The following ARID4B variants were observed in gnomAD, a reference collection of about 807,000 sequenced individuals.
ARID4B encodes AT-rich interaction domain 4B, also known as AT-rich interactive domain-containing protein 4B.
A neutral mutation model predicts 147.5 loss-of-function variants in ARID4B; 26 were observed. The observed-to-expected ratio is 0.18, with a 90% confidence interval of 0.13 to 0.24. The LOEUF (loss-of-function observed/expected upper bound fraction) is 0.24. ARID4B is among the 10% of genes least tolerant of loss of function. The probability of loss-of-function intolerance (pLI) is 1.00; values close to 1 mark genes in which losing one functional copy is unlikely to be tolerated. For missense variants in ARID4B, 1,179 were observed against 1,511.5 expected (o/e 0.78, Z 3.65); for synonymous variants, 512 against 507.9 (o/e 1.01, Z -0.11).
chr1:235,266,072 T>C (rs1335749878), intron 2 of ARID4B, among the ~76,000 whole-genome samples: 1 of 152,180 alleles, frequency 6.6e-6, no homozygotes. Context: ...AAATATTTTC[T>C]CCCTTATTCA....
At chr1:235,228,689 A>G (rs948047447) in intron 11 of ARID4B, 9 of 138,932 alleles carry the variant, frequency 6.5e-5, no homozygotes, top group Non-Finnish European at 1.4e-4. Flanking sequence ...TCTGTCGCCC[A>G]GGCTGGAGTG....
At chr1:235,263,824 A>G (rs1156229189) in intron 2 of ARID4B, among the ~76,000 whole-genome samples, 1 of 132,696 alleles carries the variant, frequency 7.5e-6, no homozygotes, top group Admixed American at 7.3e-5. Context: ...CGTCTCTACT[A>G]AAAAAAAAAA....
intron 8 of ARID4B, 81 bp from the exon 9 acceptor site, chr1:235,234,573 A>T: frequency 3.0e-6 from 3 of 1,010,450 alleles, no homozygotes; most frequent in Non-Finnish European, 4.4e-6. Context: ...TCCTTTTAAA[A>T]AGTGTAAGCT....
chr1:235,227,967 G>C (rs375947753), intron 11 of ARID4B, among the ~76,000 whole-genome samples: 28 of 151,552 alleles, frequency 1.8e-4, no homozygotes, highest in African/African-American at 5.1e-4. Flanking sequence ...CGAGTAGCTG[G>C]GATTACAGGT....
At chr1:235,181,207 G>T (rs1161074825) in intron 20 of ARID4B, 2 of 881,746 alleles carry the variant, frequency 2.3e-6, no homozygotes, top group African/African-American at 1.8e-5. Flanking sequence ...CAAAATGTTC[G>T]TGAGAAACTG....
At chr1:235,175,598 A>G in intron 21 of ARID4B, 199 bp from the exon 22 acceptor site, 2 of 558,292 alleles carry the variant, frequency 3.6e-6, no homozygotes, top group South Asian at 2.1e-5. Context: ...TGAACTGCCA[A>G]TAATATGTAT....
At chr1:235,219,701 T>C (rs1667315081) in intron 16 of ARID4B, 92 bp downstream of exon 16, 2 of 1,028,634 alleles carry the variant, frequency 1.9e-6, no homozygotes, top group Admixed American at 2.7e-5. Context: ...ATTTTGTCAA[T>C]TAATTTAGAT....
intron 6 of ARID4B, among the ~76,000 whole-genome samples, chr1:235,252,406 C>A (rs1195218859): frequency 6.6e-6 from 1 of 152,088 alleles, no homozygotes; most frequent in Non-Finnish European, 1.5e-5. Flanking sequence ...CGACAAGGAT[C>A]AAGTAGATTA....
chr1:235,233,424 C>A (rs747332301), intron 9 of ARID4B, among the ~76,000 whole-genome samples: 6 of 151,696 alleles, frequency 4.0e-5, no homozygotes, highest in Non-Finnish European at 8.8e-5. Flanking sequence ...AAGAGTGAGA[C>A]CCTCACCAAA....
At chr1:235,235,539 G>A (rs1189015376) in intron 8 of ARID4B, among the ~76,000 whole-genome samples, 4 of 152,290 alleles carry the variant, frequency 2.6e-5, no homozygotes, top group Non-Finnish European at 5.9e-5. Flanking sequence ...GCCACAGAAC[G>A]ACAATATGCA....
Position 235,220,054 on chromosome 1 carries a change from T to A in ARID4B, c.1408-86A>T, listed in dbSNP as rs1336254359. 6.7e-6 allele frequency: 6 copies of A among 897,554 alleles called. No homozygotes were observed. In the East Asian group the frequency reaches 1.8e-4, roughly 27 times the overall value. 55.6% of individuals were successfully genotyped at this position (897,554 alleles called of 1,614,324 possible). On this transcript the variant is annotated intron_variant, in intron 15 of 23. Coordinates refer to ENST00000264183, the MANE Select transcript of ARID4B (RefSeq NM_016374.6). Reference sequence around the variant, plus strand: ...GTTTATCTCTTAGCAACAGGAGGTATCAACCAATTCTAATATTAAAAGTTA... The same window carrying A: ...GTTTATCTCTTAGCAACAGGAGGTAACAACCAATTCTAATATTAAAAGTTA...
chr1:235,255,281 C>A (rs1395667404), intron 5 of ARID4B, among the ~76,000 whole-genome samples: 71 of 145,116 alleles, frequency 4.9e-4, no homozygotes, highest in African/African-American at 1.3e-3. Context: ...CTCTCTCTCT[C>A]TCTCTCTATA....
intron 17 of ARID4B, among the ~76,000 whole-genome samples, chr1:235,201,174 T>A (rs1665890188): frequency 6.6e-6 from 1 of 151,622 alleles, no homozygotes; most frequent in Admixed American, 6.6e-5. Flanking sequence ...AAAAATAAAG[T>A]AAAACAAAAT....
chr1:235,300,997 G>A lies in ARID4B; in HGVS notation c.6+25917C>T, dbSNP rs1362770338. Among the ~76,000 whole-genome samples the A allele has an allele frequency of 2.7e-5, 4 of 150,318 alleles. No individual in the cohort carries two copies. The East Asian group carries it at 7.9e-4, about 30-fold the overall frequency. On this transcript the variant is annotated intron_variant, in intron 2 of 23. Coordinates refer to ENST00000264183, the MANE Select transcript of ARID4B (RefSeq NM_016374.6). ...CCCAGAGTGCTGGGATTATAGGCGT[G>A]AGCCACTACGCCCAGCCAACAATAC...
chr1:235,205,283 T>A (rs892941478), intron 17 of ARID4B, among the ~76,000 whole-genome samples: 1 of 152,098 alleles, frequency 6.6e-6, no homozygotes, highest in Non-Finnish European at 1.5e-5. Flanking sequence ...ACAAAGAAAT[T>A]AAGCTGAAAA....
intron 2 of ARID4B, among the ~76,000 whole-genome samples, chr1:235,271,710 A>G (rs1160763590): frequency 6.6e-6 from 1 of 152,090 alleles, no homozygotes; most frequent in African/African-American, 2.4e-5. Context: ...ACACTTTGGG[A>G]GGCCAAGGTG....
At chr1:235,212,194 G>C (rs1008008111) in intron 17 of ARID4B, among the ~76,000 whole-genome samples, 2 of 152,074 alleles carry the variant, frequency 1.3e-5, no homozygotes, top group African/African-American at 2.4e-5. Flanking sequence ...GCAGTGAGTA[G>C]AGATCGTGCC....
chr1:235,199,409 C>T (rs1665726719), intron 17 of ARID4B, among the ~76,000 whole-genome samples: 1 of 152,042 alleles, frequency 6.6e-6, no homozygotes, highest in South Asian at 2.1e-4. Flanking sequence ...AACACAGTTA[C>T]ACAATATTGT....
chr1:235,280,203 C>T (rs1671578777), intron 2 of ARID4B, among the ~76,000 whole-genome samples: 1 of 151,746 alleles, frequency 6.6e-6, no homozygotes, highest in Admixed American at 6.6e-5. Flanking sequence ...ATTACTCTTA[C>T]TCCACCCATT....
Sources: allele counts gnomAD v4.1 joint callset (sites outside exome capture counted in the v4.1 genomes callset), GRCh38; gene constraint gnomAD v4.1.1; transcripts MANE v1.5; gene names NCBI Gene and HGNC (gene_info 2026-07-23, HGNC 2026-07-21).